The following RDH11 variants were observed in gnomAD, a reference collection of about 807,000 sequenced individuals.
RDH11 encodes HCV core-binding protein HCBP12.
A neutral mutation model predicts 33.4 loss-of-function variants in RDH11; 19 were observed. The observed-to-expected ratio is 0.57, with a 90% CI of 0.40 to 0.83. The LOEUF (loss-of-function observed/expected upper bound fraction) is 0.83. Ranked by LOEUF, RDH11 falls within the 40% of genes least tolerant of loss-of-function variation. The pLI, the probability that RDH11 is intolerant of heterozygous loss-of-function variation, is 0.00. For synonymous variants in RDH11, 154 were observed against 155.3 expected (o/e 0.99, Z 0.06); for missense variants, 353 against 389.0 (o/e 0.91, Z 0.78).
At chr14:67,684,963 T>G in intron 6 of RDH11, 52 bp downstream of exon 6, 6 of 1,491,464 alleles carry the variant, frequency 4.0e-6, no homozygotes, top group Non-Finnish European at 5.4e-6. Context: ...CAAACCCAAA[T>G]TATCTCCTTT....
chr14:67,682,148 TTC>T (rs1297048012), intron 6 of RDH11, among the ~76,000 whole-genome samples: 2 of 152,236 alleles, frequency 1.3e-5, no homozygotes, highest in Non-Finnish European at 2.9e-5. Flanking sequence ...GTCTGTGGTA[TTC>T]TGTTTAGTAA....
intron 6 of RDH11, among the ~76,000 whole-genome samples, chr14:67,678,641 A>G (rs2037573694): frequency 6.6e-6 from 1 of 152,204 alleles, no homozygotes; most frequent in African/African-American, 2.4e-5. Flanking sequence ...TCTCATCAGA[A>G]TGCTTTGTTT....
chr14:67,685,150 A>T lies in RDH11; in HGVS notation c.719T>A (p.Val240Asp), dbSNP rs1331229240. Residue 240 changes from valine to aspartate, a missense_variant, in exon 6 of 7, where the codon GTT becomes GAT. By Grantham distance (152) the Val-to-Asp change is radical (BLOSUM62 -3). Coordinates refer to ENST00000381346, the MANE Select transcript of RDH11 (RefSeq NM_016026.4). ...CCATCTCATGAAAGATGAGTGCCGAACCAGTTCAGATTGGACTGTGCCAGG... is the reference window on the plus strand; with the variant it reads ...CCATCTCATGAAAGATGAGTGCCGATCCAGTTCAGATTGGACTGTGCCAGG... Reference protein sequence around the residue: ...VHPGTVQSELVRHSSFMRWMW... With the variant: ...VHPGTVQSELDRHSSFMRWMW... 6.2e-7 allele frequency: 1 copy of T among 1,614,078 alleles called. No individual in the cohort carries two copies. The highest frequency in any genetic ancestry group is 8.5e-7 in the Non-Finnish European group (1 of 1,180,034).
intron 6 of RDH11, among the ~76,000 whole-genome samples, chr14:67,683,482 G>A (rs1418065175): frequency 6.6e-6 from 1 of 152,158 alleles, no homozygotes; most frequent in Non-Finnish European, 1.5e-5. Context: ...GTGGACAACT[G>A]TTACTCTTTG....
intron 4 of RDH11, 67 bp from the exon 5 acceptor site, chr14:67,690,488 A>C: frequency 7.5e-7 from 1 of 1,338,500 alleles, no homozygotes; most frequent in Admixed American, 1.7e-5. Flanking sequence ...CGTGGTGAGC[A>C]GGCCTCACCT....
In RDH11 at chr14:67,691,193, G is replaced by A. The variant is rs115917815; in HGVS notation, c.401C>T (p.Pro134Leu). Residue 134 changes from proline (P) to leucine (L), a missense_variant, in exon 4 of 7, where the codon CCG (proline) becomes CTG (leucine). Transcript: ENST00000381346. ...AAAGCCATCTGCTGTCTTCGAGTAC[G>A]GACACATCATCACTCCTGCATTGTT... is the stretch of plus-strand genomic sequence containing the variant. ...LINNAGVMMC[P>L]YSKTADGFEM... is the part of the protein sequence containing the mutation. 58 of 1,613,834 alleles carry A rather than the reference G, an allele frequency of 3.6e-5. No individual in the cohort carries two copies. In the African/African-American group the frequency reaches 5.7e-4, roughly 16 times the overall value.
At chr14:67,694,431 A>AAC (rs1438183357) in intron 1 of RDH11, among the ~76,000 whole-genome samples, 1 of 140,100 alleles carries the variant, frequency 7.1e-6, no homozygotes, top group Non-Finnish European at 1.5e-5. Context: ...CAGCTCCTGG[A>AAC]ATATATATAT....
intron 1 of RDH11, among the ~76,000 whole-genome samples, chr14:67,694,477 T>TATAC (rs143726417): frequency 7.7e-5 from 11 of 142,920 alleles, no homozygotes; most frequent in East Asian, 6.0e-4. Flanking sequence ...TATATATATA[T>TATAC]ACACACACAC....
At chr14:67,691,295 A>G in intron 3 of RDH11, 51 bp from the exon 4 acceptor site, 1 of 1,308,520 alleles carries the variant, frequency 7.6e-7, no homozygotes, top group East Asian at 2.3e-5. Context: ...AGGCTATTAC[A>G]TCTTAGAAAG....
Position 67,684,996 on chromosome 14 carries a change from AAAGAGATAACAT to A in RDH11, c.854+7_854+18del, listed in dbSNP as rs751931821. ...TTTGAGCAATAAATCTCATCTGCAA[AAAGAGATAACAT>A]TCATACCTGAAATGATTCCCACTTA... On this transcript the variant is annotated splice_region_variant and intron_variant, in intron 6 of 6. Coordinates refer to ENST00000381346, the MANE Select transcript of RDH11 (RefSeq NM_016026.4). The A allele has an allele frequency of 4.4e-6, 7 of 1,586,632 alleles. No homozygotes were observed. The highest frequency in any genetic ancestry group is 5.1e-6 in the Non-Finnish European group (6 of 1,166,534).
chr14:67,684,354 A>G (rs1478498943), intron 6 of RDH11, among the ~76,000 whole-genome samples: 1 of 152,186 alleles, frequency 6.6e-6, no homozygotes, highest in African/African-American at 2.4e-5. Context: ...TCAAAATAAT[A>G]TGGGAGAAGA....
At chr14:67,694,822 T>C (rs1326767806) in intron 1 of RDH11, among the ~76,000 whole-genome samples, 1 of 152,202 alleles carries the variant, frequency 6.6e-6, no homozygotes, top group Non-Finnish European at 1.5e-5. Flanking sequence ...CAAGTTCTAT[T>C]GGGACTAAGA....
Position 67,695,699 on chromosome 14 carries a change from A to T in RDH11, c.5T>A (p.Val2Asp). 1 of 1,614,088 alleles carries T rather than the reference A, an allele frequency of 6.2e-7. No homozygotes were observed. The highest frequency in any genetic ancestry group is 1.1e-5 in the South Asian group (1 of 91,088). Residue 2 changes from valine to aspartate, a missense_variant, in exon 1 of 7, where the codon GTT becomes GAT. Physicochemically the swap from Val to Asp is radical, Grantham distance 152. Coordinates refer to ENST00000381346, the MANE Select transcript of RDH11 (RefSeq NM_016026.4). M[V>D]ELMFPLLLLL... ...GAGCAACAGCGGGAACATGAGCTCAACCATCTCTGCCGGCTGCAGCGGCAC... is the reference window on the plus strand; with the variant it reads ...GAGCAACAGCGGGAACATGAGCTCATCCATCTCTGCCGGCTGCAGCGGCAC...
intron 5 of RDH11, 56 bp downstream of exon 5, chr14:67,690,156 G>T: frequency 2.0e-6 from 3 of 1,501,534 alleles, no homozygotes; most frequent in Non-Finnish European, 2.8e-6. Context: ...CATTCCTGTG[G>T]CTTTTACCTG....
intron 6 of RDH11, among the ~76,000 whole-genome samples, chr14:67,683,935 TGTC>T (rs2037645448): frequency 6.6e-6 from 1 of 152,256 alleles, no homozygotes; most frequent in Non-Finnish European, 1.5e-5. Flanking sequence ...TCTTAGTTAA[TGTC>T]ATCATCAACC....
chr14:67,681,521 G>A (rs1042201011), intron 6 of RDH11, among the ~76,000 whole-genome samples: 2 of 152,160 alleles, frequency 1.3e-5, no homozygotes, highest in African/African-American at 2.4e-5. Flanking sequence ...GGTGGCTCAT[G>A]CCTATAATCC....
chr14:67,689,588 G>C (rs2037723239), intron 5 of RDH11, among the ~76,000 whole-genome samples: 2 of 152,118 alleles, frequency 1.3e-5, no homozygotes, highest in Non-Finnish European at 2.9e-5. Context: ...TATGAAGCCT[G>C]AATTAATTAT....
At chr14:67,688,984 TC>T (rs2037715384) in intron 5 of RDH11, among the ~76,000 whole-genome samples, 1 of 152,176 alleles carries the variant, frequency 6.6e-6, no homozygotes, top group Admixed American at 6.6e-5. Flanking sequence ...AAACCAGGGT[TC>T]TTTTACTGCA....
At chr14:67,691,091 A>G (rs918433732) in intron 4 of RDH11, 49 bp downstream of exon 4, 48 of 1,272,858 alleles carry the variant, frequency 3.8e-5, no homozygotes, top group Non-Finnish European at 5.5e-5. Context: ...AAGTTTCCCA[A>G]AGAGAATTTT....
Sources: gnomAD v4.1 joint callset for allele counts (sites outside exome capture counted in the v4.1 genomes callset) on GRCh38, gnomAD v4.1.1 for gene constraint, MANE v1.5 for transcripts, NCBI Gene and HGNC (gene_info 2026-07-23, HGNC 2026-07-21) for gene names.